KIAA1549L: variants seen among roughly 807,000 people sequenced by gnomAD.
KIAA1549L encodes the protein UPF0606 protein KIAA1549L.
Under a neutral mutation model 160.7 loss-of-function variants are expected in KIAA1549L, and 88 were observed. That is an observed-to-expected ratio of 0.55 (90% CI 0.46 to 0.65). KIAA1549L has a LOEUF of 0.65. Ranked by LOEUF, KIAA1549L falls within the 30% of genes least tolerant of loss-of-function variation. The pLI is 0.00. For missense variants in KIAA1549L, 2,258 were observed against 2,437.5 expected (o/e 0.93, Z 1.55); for synonymous variants, 950 against 976.7 (o/e 0.97, Z 0.51).
rs1850511752 is a variant in KIAA1549L at position 33,606,692 on chromosome 11, A to G, written c.4931A>G (p.Lys1644Arg). The stretch of plus-strand genomic sequence containing the variant: ...GCGGTTCTATTTGACAACTCCAGCA[A>G]GGTGGCCGCTGAACCCTTTGACACA... ...EGAVLFDNSS[K>R]VAAEPFDTSS... is the part of the protein sequence containing the mutation. The change falls in exon 14 of 21, where the codon AAG (lysine) becomes AGG (arginine). Residue 1644 changes from lysine to arginine, a missense_variant. By Grantham distance (26) the Lys-to-Arg change is conservative. Coordinates refer to ENST00000658780, the MANE Select transcript of KIAA1549L (RefSeq NM_012194.3). The G allele has an allele frequency of 6.2e-7, 1 of 1,613,868 alleles. No individual in the cohort carries two copies. Among genetic ancestry groups the G allele is most frequent in the African/African-American group, 1.3e-5 (1 of 74,932 alleles).
intron 1 of KIAA1549L, among the ~76,000 whole-genome samples, chr11:33,447,158 A>ACAAAGGACAAAG (rs1166402392): frequency 1.1e-4 from 16 of 152,192 alleles, no homozygotes; most frequent in Non-Finnish European, 2.9e-5. Flanking sequence ...TGGACAAAGG[A>ACAAAGGACAAAG]GAGTGTTCAG....
At chr11:33,533,200 T>A (rs992120340) in intron 1 of KIAA1549L, among the ~76,000 whole-genome samples, 2 of 152,094 alleles carry the variant, frequency 1.3e-5, no homozygotes, top group Admixed American at 1.3e-4. Flanking sequence ...CGGGAATAAT[T>A]AGAGTGTAGC....
At chr11:33,600,943 C>A (rs1276162745) in intron 13 of KIAA1549L, among the ~76,000 whole-genome samples, 1 of 152,124 alleles carries the variant, frequency 6.6e-6, no homozygotes, top group Non-Finnish European at 1.5e-5. Context: ...CGTCACTCCC[C>A]ACTTAGCTGG....
chr11:33,603,073 G>A (rs1421589158), intron 13 of KIAA1549L, among the ~76,000 whole-genome samples: 3 of 152,102 alleles, frequency 2.0e-5, no homozygotes, highest in African/African-American at 4.8e-5. Flanking sequence ...TTGAGGGATA[G>A]CATGACTTTA....
intron 9 of KIAA1549L, among the ~76,000 whole-genome samples, chr11:33,574,116 A>G (rs1427895140): frequency 6.6e-6 from 1 of 152,090 alleles, no homozygotes; most frequent in Non-Finnish European, 1.5e-5. Flanking sequence ...TTAGCTTGTG[A>G]TAGAAGGATT....
chr11:33,429,081 C>T (rs1434974036), intron 1 of KIAA1549L, among the ~76,000 whole-genome samples: 1 of 152,224 alleles, frequency 6.6e-6, no homozygotes, highest in Non-Finnish European at 1.5e-5. Flanking sequence ...AAGCGATTCT[C>T]CTGCCTCAGC....
intron 1 of KIAA1549L, among the ~76,000 whole-genome samples, chr11:33,427,223 A>C (rs1851135130): frequency 6.7e-6 from 1 of 150,310 alleles, no homozygotes; most frequent in Non-Finnish European, 1.5e-5. Context: ...TTCCTCACAA[A>C]ATCTCCCCAT....
chr11:33,663,268 C>T (rs910820237), intron 20 of KIAA1549L, among the ~76,000 whole-genome samples: 4 of 152,094 alleles, frequency 2.6e-5, no homozygotes, highest in African/African-American at 9.7e-5. Flanking sequence ...ATCCTTGGTG[C>T]CAGATGGAGA....
chr11:33,608,253 T>C (rs1164671386), intron 14 of KIAA1549L, among the ~76,000 whole-genome samples: 3 of 152,246 alleles, frequency 2.0e-5, no homozygotes, highest in Non-Finnish European at 4.4e-5. Flanking sequence ...GTTTAATATA[T>C]GTAAATTACT....
intron 1 of KIAA1549L, among the ~76,000 whole-genome samples, chr11:33,484,886 C>G (rs1402552798): frequency 6.6e-6 from 1 of 151,928 alleles, no homozygotes; most frequent in Non-Finnish European, 1.5e-5. Context: ...GGATCATGCC[C>G]CTACTGGCCT....
At chr11:33,602,223 G>A (rs561712118) in intron 13 of KIAA1549L, among the ~76,000 whole-genome samples, 37 of 152,134 alleles carry the variant, frequency 2.4e-4, no homozygotes, top group Admixed American at 4.6e-4. Context: ...TATGGGGCAG[G>A]TGAGGCAGGC....
At chr11:33,566,467 A>C (rs1318950066) in intron 8 of KIAA1549L, among the ~76,000 whole-genome samples, 1 of 152,202 alleles carries the variant, frequency 6.6e-6, no homozygotes, top group African/African-American at 2.4e-5. Flanking sequence ...GACCTGACAC[A>C]GTGGGAACAG....
At chr11:33,661,986 A>T (rs548414856) in intron 20 of KIAA1549L, among the ~76,000 whole-genome samples, 1 of 152,272 alleles carries the variant, frequency 6.6e-6, no homozygotes, top group Non-Finnish European at 1.5e-5. Flanking sequence ...AAACATTTAA[A>T]AATATATGCA....
chr11:33,653,096 T>G (rs1851943849), intron 17 of KIAA1549L, among the ~76,000 whole-genome samples: 1 of 152,234 alleles, frequency 6.6e-6, no homozygotes, highest in Non-Finnish European at 1.5e-5. Context: ...GTTGCCTTAC[T>G]CCTTGTTCAC....
chr11:33,649,220 A>G (rs1289778734), intron 17 of KIAA1549L, among the ~76,000 whole-genome samples: 1 of 152,038 alleles, frequency 6.6e-6, no homozygotes, highest in Non-Finnish European at 1.5e-5. Flanking sequence ...TCTTATAAGG[A>G]AGCTTACCCA....
intron 1 of KIAA1549L, among the ~76,000 whole-genome samples, chr11:33,443,683 G>A (rs184343259): frequency 1.7e-4 from 26 of 151,594 alleles, no homozygotes; most frequent in African/African-American, 6.3e-4. Context: ...GCAGTCTGGC[G>A]AAGCTCTTGG....
intron 1 of KIAA1549L, among the ~76,000 whole-genome samples, chr11:33,477,258 T>TGGGG (rs1308285398): frequency 6.6e-6 from 1 of 151,952 alleles, no homozygotes; most frequent in African/African-American, 2.4e-5. Flanking sequence ...TCTACCTGGG[T>TGGGG]AGAATGCCCC....
At chr11:33,465,629 G>A (rs1449677753) in intron 1 of KIAA1549L, among the ~76,000 whole-genome samples, 2 of 152,184 alleles carry the variant, frequency 1.3e-5, no homozygotes, top group South Asian at 2.1e-4. Flanking sequence ...TTTTGTACAA[G>A]TGTGCGTTGA....
intron 6 of KIAA1549L, among the ~76,000 whole-genome samples, chr11:33,558,094 T>A (rs1854708381): frequency 6.6e-6 from 1 of 152,278 alleles, no homozygotes; most frequent in South Asian, 2.1e-4. Flanking sequence ...TACATATAGA[T>A]AAATATTATG....
Sources: allele counts gnomAD v4.1 joint callset (sites outside exome capture counted in the v4.1 genomes callset), GRCh38; gene constraint gnomAD v4.1.1; transcripts MANE v1.5; gene names NCBI Gene and HGNC (gene_info 2026-07-23, HGNC 2026-07-21).